Variants in LMBR1 observed in about 807,000 individuals in gnomAD.
LMBR1 encodes the protein limb region 1 protein homolog.
A neutral mutation model predicts 73.9 loss-of-function variants in LMBR1; 52 were observed. The ratio of observed to expected loss-of-function variants is 0.70; its 90% CI spans 0.56 to 0.89. The LOEUF (loss-of-function observed/expected upper bound fraction) is 0.89. LMBR1 is among the 40% of genes least tolerant of loss of function. The pLI, the probability that LMBR1 is intolerant of heterozygous loss-of-function variation, is 0.00. For synonymous variants in LMBR1, 215 were observed against 209.4 expected (o/e 1.03, Z -0.23); for missense variants, 539 against 579.8 (o/e 0.93, Z 0.72).
chr7:156,707,696 T>G (rs373154076), intron 15 of LMBR1, among the ~76,000 whole-genome samples: 1 of 152,116 alleles, frequency 6.6e-6, no homozygotes, highest in Non-Finnish European at 1.5e-5. Context: ...CTCCACAGAT[T>G]AAGCATGCAA....
chr7:156,853,835 T>G (rs369178503), intron 1 of LMBR1, among the ~76,000 whole-genome samples: 82 of 152,144 alleles, frequency 5.4e-4, no homozygotes, highest in African/African-American at 1.8e-3. Flanking sequence ...TTTGTATTTT[T>G]GGTAGAGATG....
intron 4 of LMBR1, among the ~76,000 whole-genome samples, chr7:156,813,265 T>C (rs1290477445): frequency 1.3e-5 from 2 of 152,186 alleles, no homozygotes; most frequent in African/African-American, 4.8e-5. Context: ...TCCTCAATAA[T>C]ACAGAAAAAG....
chr7:156,704,487 A>T (rs1044480966), intron 15 of LMBR1, among the ~76,000 whole-genome samples: 3 of 152,214 alleles, frequency 2.0e-5, no homozygotes, highest in African/African-American at 7.2e-5. Context: ...AATAAGCAGC[A>T]ACTATTGCTC....
intron 1 of LMBR1, among the ~76,000 whole-genome samples, chr7:156,847,732 A>G (rs1471754974): frequency 6.6e-6 from 1 of 152,222 alleles, no homozygotes; most frequent in East Asian, 1.9e-4. Flanking sequence ...CACACCTATT[A>G]GAATGACTAA....
At chr7:156,755,332 A>C (rs1404080606) in intron 9 of LMBR1, among the ~76,000 whole-genome samples, 1 of 152,246 alleles carries the variant, frequency 6.6e-6, no homozygotes, top group Non-Finnish European at 1.5e-5. Context: ...AAAGTGAGAA[A>C]GGCTGTATTT....
At chr7:156,693,143 T>A (rs1358260216) in intron 15 of LMBR1, among the ~76,000 whole-genome samples, 1 of 152,078 alleles carries the variant, frequency 6.6e-6, no homozygotes, top group Non-Finnish European at 1.5e-5. Flanking sequence ...TACTTGTGAT[T>A]AGAGTCCCTG....
chr7:156,891,279 T>C (rs1802938187), intron 1 of LMBR1, among the ~76,000 whole-genome samples: 2 of 143,500 alleles, frequency 1.4e-5, no homozygotes, highest in Non-Finnish European at 3.0e-5. Flanking sequence ...TACACATATA[T>C]ATACACATAT....
chr7:156,781,171 G>A (rs1433236934), intron 5 of LMBR1, among the ~76,000 whole-genome samples: 1 of 152,156 alleles, frequency 6.6e-6, no homozygotes, highest in Non-Finnish European at 1.5e-5. Flanking sequence ...TATTATTACA[G>A]TGAAACATAA....
intron 9 of LMBR1, among the ~76,000 whole-genome samples, chr7:156,745,198 T>A (rs942166947): frequency 1.3e-5 from 2 of 152,144 alleles, no homozygotes; most frequent in African/African-American, 4.8e-5. Flanking sequence ...TTTTTCAAGT[T>A]CTCAGCATCA....
chr7:156,749,687 C>A (rs1820474559), intron 9 of LMBR1, among the ~76,000 whole-genome samples: 1 of 151,986 alleles, frequency 6.6e-6, no homozygotes, highest in African/African-American at 2.4e-5. Flanking sequence ...GCTTCAATGG[C>A]AAGGACTTTT....
intron 15 of LMBR1, among the ~76,000 whole-genome samples, chr7:156,715,437 T>G (rs1184106515): frequency 6.6e-6 from 1 of 152,246 alleles, no homozygotes; most frequent in Admixed American, 6.5e-5. Flanking sequence ...GGTCCATTCA[T>G]GTTGTAGTAT....
intron 4 of LMBR1, 105 bp downstream of exon 4, chr7:156,826,500 G>A: frequency 1.4e-6 from 1 of 715,654 alleles, no homozygotes; most frequent in Non-Finnish European, 2.1e-6. Flanking sequence ...TTTACTGGAG[G>A]AAGTCACAAA....
At chr7:156,861,336 C>T (rs1192024416) in intron 1 of LMBR1, among the ~76,000 whole-genome samples, 1 of 152,210 alleles carries the variant, frequency 6.6e-6, no homozygotes, top group Admixed American at 6.5e-5. Context: ...TTAGTCACAG[C>T]TGGAACAGCT....
At chr7:156,756,062 T>C (rs950290960) in intron 9 of LMBR1, among the ~76,000 whole-genome samples, 4 of 152,238 alleles carry the variant, frequency 2.6e-5, no homozygotes, top group African/African-American at 9.6e-5. Context: ...TACTCTTTTC[T>C]TCATTGGTTC....
downstream of LMBR1, chr7:156,676,823 C>A: frequency 1.7e-6 from 1 of 589,700 alleles, no homozygotes; most frequent in Admixed American, 3.0e-5. Context: ...TGACATCCCA[C>A]CTAATTTTAA....
chr7:156,718,818 C>G (rs945340546), intron 15 of LMBR1, among the ~76,000 whole-genome samples: 3 of 151,326 alleles, frequency 2.0e-5, no homozygotes, highest in Non-Finnish European at 4.4e-5. Flanking sequence ...GATCATTTGT[C>G]TAGTTTTAAT....
Position 156,735,381 on chromosome 7 carries a change from T to C in LMBR1, c.758-1124A>G, listed in dbSNP as rs571990377. ...GCATTTCCCTAAATGTGGTTGGACATATTTCTATGCATTTATCACCTGAAT... is the reference window on the plus strand; with the variant it reads ...GCATTTCCCTAAATGTGGTTGGACACATTTCTATGCATTTATCACCTGAAT... On this transcript the variant is annotated intron_variant, in intron 9 of 16. Coordinates refer to ENST00000353442, the MANE Select transcript of LMBR1 (RefSeq NM_022458.4). Among the ~76,000 whole-genome samples, 16 of 152,242 alleles carry C rather than the reference T, an allele frequency of 1.1e-4. No homozygotes were observed. The South Asian group carries it at 3.3e-3, about 32-fold the overall frequency.
chr7:156,722,016 C>T (rs55792598), intron 15 of LMBR1, among the ~76,000 whole-genome samples: 103,016 of 151,600 alleles, frequency 0.68, 35,711 homozygotes, highest in African/African-American at 0.81. Context: ...AAAACATCAT[C>T]ATTTCTTTTA....
intron 1 of LMBR1, among the ~76,000 whole-genome samples, chr7:156,843,089 C>T (rs1271475370): frequency 6.6e-6 from 1 of 152,184 alleles, no homozygotes; most frequent in Non-Finnish European, 1.5e-5. Flanking sequence ...GCAGCAACTT[C>T]TGTCAGCAGT....
Sources: gnomAD v4.1 joint callset for allele counts (sites outside exome capture counted in the v4.1 genomes callset) on GRCh38, gnomAD v4.1.1 for gene constraint, MANE v1.5 for transcripts, NCBI Gene and HGNC (gene_info 2026-07-23, HGNC 2026-07-21) for gene names.